Variants in C1orf52 observed in about 807,000 individuals in gnomAD.
C1orf52 encodes UPF0690 protein C1orf52.
In C1orf52, 5 loss-of-function variants were observed where a neutral mutation model predicts 17.2. That is an observed-to-expected ratio of 0.29 (90% CI 0.15 to 0.61). The LOEUF (loss-of-function observed/expected upper bound fraction) is 0.61. Among genes scored for constraint, C1orf52 ranks in the 20% least tolerant of loss-of-function variants. The pLI, the probability that C1orf52 is intolerant of heterozygous loss-of-function variation, is 0.85. For missense variants in C1orf52, 245 were observed against 234.1 expected, an observed-to-expected ratio of 1.05 and a Z score of -0.30; for synonymous variants, 110 against 88.0, an observed-to-expected ratio of 1.25 and a Z score of -1.40.
In C1orf52 at chr1:85,259,517, CG is replaced by C. The variant is rs1660036914; in HGVS notation, c.116del (p.Pro39ArgfsTer28). ...IEPEETSRRT[P>X]DPAKSAGGCR... Reference sequence around the variant, plus strand: ...AGCCGCCCGCCGACTTCGCCGGATCCGGGGTTCTGCGACTCGTCTCCTCCGG... The same window carrying C: ...AGCCGCCCGCCGACTTCGCCGGATCCGGGTTCTGCGACTCGTCTCCTCCGG... On this transcript the variant is annotated frameshift_variant, in exon 1 of 3. Coordinates refer to ENST00000471115, the MANE Select transcript of C1orf52 (RefSeq NM_198077.4). LOFTEE classifies it high-confidence loss of function. 2 of 1,613,904 alleles carry C rather than the reference CG, an allele frequency of 1.2e-6. No individual in the cohort carries two copies. Among genetic ancestry groups the C allele is most frequent in the Admixed American group, 1.7e-5 (1 of 60,010 alleles).
chr1:85,259,123 C>G (rs1466285638), intron 1 of C1orf52: 2 of 1,299,230 alleles, frequency 1.5e-6, no homozygotes, highest in Non-Finnish European at 2.0e-6. Context: ...GTCGGGGCAC[C>G]GAGCGCGGAG....
intron 2 of C1orf52, among the ~76,000 whole-genome samples, chr1:85,256,862 G>T (rs1469915462): frequency 2.0e-5 from 3 of 150,008 alleles, no homozygotes; most frequent in Non-Finnish European, 4.4e-5. Flanking sequence ...TATTATAAAT[G>T]TTTACATCAT....
In C1orf52 at chr1:85,257,520, T is replaced by C. The variant is rs1287728397; in HGVS notation, c.475+1004A>G. 9.8e-6 allele frequency: 7 copies of C among 712,998 alleles called. No individual in the cohort carries two copies. The African/African-American group carries it at 1.1e-4, about 11-fold the overall frequency. 44.2% of individuals were successfully genotyped at this position (712,998 alleles called of 1,614,324 possible). On this transcript the variant is annotated intron_variant, in intron 2 of 2. Transcript: ENST00000471115. ...ACTGTGGACAGGGAGAAAGGGCCTATTAATACAAGGCCTTGACTTTATCCC... is the reference window on the plus strand; with the variant it reads ...ACTGTGGACAGGGAGAAAGGGCCTACTAATACAAGGCCTTGACTTTATCCC...
chr1:85,259,037 A>C (rs1406055782), intron 1 of C1orf52: 47 of 1,314,946 alleles, frequency 3.6e-5, no homozygotes, highest in Middle Eastern at 3.0e-4. Flanking sequence ...CTTCGGCGTC[A>C]AAGGGAAGGG....
At chr1:85,253,995 TATAAA>T (rs534024897) in intron 2 of C1orf52, among the ~76,000 whole-genome samples, 25 of 152,366 alleles carry the variant, frequency 1.6e-4, no homozygotes, top group African/African-American at 5.8e-4. Context: ...TGTGGAGATC[TATAAA>T]ATATCTTGAT....
rs1399929552 is a variant in C1orf52 at position 85,251,022 on chromosome 1, G to A, written c.*1607C>T. On this transcript the variant is annotated 3_prime_UTR_variant, in exon 3 of 3. Transcript: ENST00000471115. ...TTCTAAACTCGATGATATACTGGAA[G>A]CCATCATGCTGTTATGGACCTTCAT... 2 of 152,170 alleles carry A rather than the reference G, an allele frequency of 1.3e-5. No homozygotes were observed. The highest frequency in any genetic ancestry group is 1.5e-5 in the Non-Finnish European group (1 of 68,036). 9.4% of individuals were successfully genotyped at this position (152,170 alleles called of 1,614,324 possible).
rs1659801386 is a variant in C1orf52, at chr1:85,251,528, T to C, written c.*1101A>G. On this transcript the variant is annotated 3_prime_UTR_variant, in exon 3 of 3. Transcript: ENST00000471115. Reference sequence around the variant, plus strand: ...CAACTACTTCTTGTTCATTTTATTATTACTATACGCAAAGCATTAAAATAG... The same window carrying C: ...CAACTACTTCTTGTTCATTTTATTACTACTATACGCAAAGCATTAAAATAG... The C allele has an allele frequency of 1.3e-5, 2 of 152,222 alleles. No homozygotes were observed. Among genetic ancestry groups the C allele is most frequent in the Non-Finnish European group, 2.9e-5 (2 of 68,048 alleles). The allele number at this position is 152,222 out of a possible 1,614,324, so 9.4% of individuals were successfully genotyped here. A position where few individuals can be genotyped will look rare whatever the true frequency, so the allele number is the denominator to read the frequency against.
At chr1:85,258,805 C>T (rs879451040) in intron 1 of C1orf52, 83 bp from the exon 2 acceptor site, 3 of 1,419,472 alleles carry the variant, frequency 2.1e-6, no homozygotes, top group South Asian at 2.9e-5. Flanking sequence ...CCCTGCCGTT[C>T]GCTTATCGTT....
intron 2 of C1orf52, chr1:85,257,410 C>T: frequency 1.4e-6 from 1 of 713,170 alleles, no homozygotes; most frequent in Non-Finnish European, 2.6e-6. Context: ...GAATAAGGTG[C>T]AACGTATACT....
At chr1:85,255,469 G>C (rs1659913035) in intron 2 of C1orf52, among the ~76,000 whole-genome samples, 2 of 151,640 alleles carry the variant, frequency 1.3e-5, no homozygotes. Context: ...AGAATCGCTT[G>C]AACCCGGGAG....
chr1:85,254,900 A>C (rs1204307284), intron 2 of C1orf52, among the ~76,000 whole-genome samples: 2 of 152,264 alleles, frequency 1.3e-5, no homozygotes, highest in African/African-American at 4.8e-5. Context: ...ACTGAAGTTA[A>C]AAAGTAACTG....
rs1660014299 is a variant in C1orf52 at position 85,258,779 on chromosome 1, G to A, written c.277-57C>T. On this transcript the variant is annotated intron_variant, in intron 1 of 2. Transcript: ENST00000471115. ...ACGAACCGAGGTTCCTACGATGGACGTGGGCACATGCAACTCCCTGCCGTT... is the reference window on the plus strand; with the variant it reads ...ACGAACCGAGGTTCCTACGATGGACATGGGCACATGCAACTCCCTGCCGTT... The A allele has an allele frequency of 1.4e-5, 21 of 1,480,038 alleles. 1 individual carries two copies. The South Asian group carries it at 2.6e-4, about 18-fold the overall frequency. The allele number at this position is 1,480,038 out of a possible 1,614,324, so 91.7% of individuals were successfully genotyped here.
rs2100735688 is a variant in C1orf52, at chr1:85,259,259, T to G, written c.276+99A>C. ...TGGTGCGGCATCCCGCGGGGGTGAC[T>G]GCGTGTGGGGGGATGGACAGCAGGT... On this transcript the variant is annotated intron_variant, in intron 1 of 2. Coordinates refer to ENST00000471115, the MANE Select transcript of C1orf52 (RefSeq NM_198077.4). 4 of 1,275,752 alleles carry G rather than the reference T, an allele frequency of 3.1e-6. No homozygotes were observed. In the South Asian group the frequency reaches 5.5e-5, roughly 18 times the overall value. The allele number at this position is 1,275,752 out of a possible 1,614,324, so 79.0% of individuals were successfully genotyped here.
At chr1:85,252,735 A>G in intron 2 of C1orf52, 33 bp from the exon 3 acceptor site, 1 of 1,521,688 alleles carries the variant, frequency 6.6e-7, no homozygotes, top group Non-Finnish European at 9.1e-7. Flanking sequence ...TTCAATCAGT[A>G]ATTTTAAAAA....
At chr1:85,255,475 G>C (rs1052564442) in intron 2 of C1orf52, among the ~76,000 whole-genome samples, 1 of 150,928 alleles carries the variant, frequency 6.6e-6, no homozygotes, top group Admixed American at 6.6e-5. Context: ...GCTTGAACCC[G>C]GGAGGCGGAG....
rs752960021 is a variant in C1orf52, at chr1:85,259,425, G to C, written c.209C>G (p.Ala70Gly). The C allele has an allele frequency of 3.7e-6, 6 of 1,613,912 alleles. No homozygotes were observed. In the Admixed American group the frequency reaches 1.0e-4, roughly 27 times the overall value. ...DELFRSVTRP[A>G]FLYNPLNKQI... is the part of the protein sequence containing the mutation. ...TTTGTTGAGCGGATTGTAGAGAAAG[G>C]CCGGGCGAGTCACGCTCCTAAACAG... The change falls in exon 1 of 3, where the codon GCC (alanine) becomes GGC (glycine). Residue 70 changes from alanine to glycine, a missense_variant. By Grantham distance (60) the Ala-to-Gly change is moderately conservative (BLOSUM62 0). Transcript: ENST00000471115.
intron 2 of C1orf52, among the ~76,000 whole-genome samples, chr1:85,256,901 T>C (rs1659958304): frequency 6.6e-6 from 1 of 152,108 alleles, no homozygotes; most frequent in African/African-American, 2.4e-5. Flanking sequence ...TGCTACTTAC[T>C]GAAGATGCTC....
At chr1:85,255,445 C>A (rs948298085) in intron 2 of C1orf52, among the ~76,000 whole-genome samples, 2 of 151,406 alleles carry the variant, frequency 1.3e-5, no homozygotes, top group Non-Finnish European at 2.9e-5. Flanking sequence ...AGCTACTTGG[C>A]AGGCTGAGGC....
At chr1:85,252,767 A>G (rs1392646357) in intron 2 of C1orf52, 65 bp from the exon 3 acceptor site, 2 of 1,118,906 alleles carry the variant, frequency 1.8e-6, no homozygotes, top group Non-Finnish European at 2.6e-6. Flanking sequence ...TAAGCATTAA[A>G]ATTTCACTGG....
Sources: allele counts gnomAD v4.1 joint callset (sites outside exome capture counted in the v4.1 genomes callset), GRCh38; gene constraint gnomAD v4.1.1; transcripts MANE v1.5; gene names NCBI Gene and HGNC (gene_info 2026-07-23, HGNC 2026-07-21).